PTGR2: variants seen among roughly 807,000 people sequenced by gnomAD.
PTGR2 encodes prostaglandin reductase 2.
PTGR2 carries 32 observed loss-of-function variants against 43.4 expected under a neutral mutation model. The observed-to-expected ratio is 0.74, with a 90% CI of 0.56 to 0.99. PTGR2 has a LOEUF of 0.99. Among genes scored for constraint, PTGR2 ranks in the 50% least tolerant of loss-of-function variants. The pLI, the probability that PTGR2 is intolerant of heterozygous loss-of-function variation, is 0.00. For missense variants in PTGR2, 373 were observed against 420.0 expected (o/e 0.89, Z 0.98); for synonymous variants, 106 against 139.2 (o/e 0.76, Z 1.68).
At position 73,860,667 on chromosome 14, in the gene PTGR2, A is replaced by G. The variant is rs751415668; in HGVS notation, c.156+10A>G. On this transcript the variant is annotated intron_variant, in intron 3 of 9. Coordinates refer to ENST00000555661, the MANE Select transcript of PTGR2 (RefSeq NM_001146154.2). The stretch of plus-strand genomic sequence containing the variant: ...TGTGGATCCTTACATGGTAAGAATC[A>G]GGATGTTGTAACTTGGTGAAAAATA... 40 of 1,190,564 alleles carry G rather than the reference A, an allele frequency of 3.4e-5. 2 individuals carry two copies. In the South Asian group the frequency reaches 5.2e-4, roughly 15 times the overall value. The allele number at this position is 1,190,564 out of a possible 1,614,324, so 73.8% of individuals were successfully genotyped here.
At chr14:73,882,660 C>T (rs2055018159) in intron 9 of PTGR2, among the ~76,000 whole-genome samples, 1 of 152,036 alleles carries the variant, frequency 6.6e-6, no homozygotes, top group Admixed American at 6.6e-5. Context: ...GCCACCACGC[C>T]TGGCTAATTT....
intron 4 of PTGR2, among the ~76,000 whole-genome samples, chr14:73,876,758 T>A (rs555381602): frequency 1.3e-5 from 2 of 152,282 alleles, no homozygotes; most frequent in Admixed American, 6.5e-5. Context: ...ATTACAGATG[T>A]GAGCCACTGT....
intron 3 of PTGR2, among the ~76,000 whole-genome samples, chr14:73,867,370 A>G (rs1324792267): frequency 6.6e-6 from 1 of 152,094 alleles, no homozygotes; most frequent in Non-Finnish European, 1.5e-5. Context: ...AAATCTCTTC[A>G]TAGATATGTA....
intron 3 of PTGR2, chr14:73,861,371 A>T (rs929196255): frequency 1.3e-5 from 2 of 152,164 alleles, no homozygotes; most frequent in African/African-American, 4.8e-5. Context: ...GAGGTCATAC[A>T]GTCTTTTCTT....
At position 73,880,088 on chromosome 14, in the gene PTGR2, C is replaced by A. The variant is rs139465105; in HGVS notation, c.763C>A (p.Gln255Lys). The A allele has an allele frequency of 2.0e-5, 33 of 1,613,530 alleles. No homozygotes were observed. In the Middle Eastern group the frequency reaches 8.2e-4, roughly 40 times the overall value. ...NENSHIILCGQISQYNKDVPY... is the reference protein window; with the variant it reads ...NENSHIILCGKISQYNKDVPY... Reference sequence around the variant, plus strand: ...GAACAGCCACATCATCCTGTGTGGTCAAATTTCTCAGTACAACAAAGATGT... The same window carrying A: ...GAACAGCCACATCATCCTGTGTGGTAAAATTTCTCAGTACAACAAAGATGT... The change falls in exon 7 of 10, where the codon CAA (glutamine) becomes AAA (lysine). Residue 255 changes from glutamine to lysine, a missense_variant. Coordinates refer to ENST00000555661, the MANE Select transcript of PTGR2 (RefSeq NM_001146154.2).
chr14:73,877,863 A>G (rs1404177349), intron 5 of PTGR2: 2 of 152,236 alleles, frequency 1.3e-5, no homozygotes, highest in Non-Finnish European at 2.9e-5. Context: ...TTTTGATAGA[A>G]TTTTATGAAG....
intron 3 of PTGR2, among the ~76,000 whole-genome samples, chr14:73,870,034 A>G (rs12897095): frequency 0.11 from 17,098 of 149,630 alleles, 1,250 homozygotes; most frequent in Admixed American, 0.2. Flanking sequence ...CTCAGAGAGA[A>G]AAAAAAAAAA....
At chr14:73,880,332 GGATGCC>G in intron 7 of PTGR2, 156 bp downstream of exon 7, 1 of 820,164 alleles carries the variant, frequency 1.2e-6, no homozygotes, top group South Asian at 1.4e-5. Context: ...TAGCACTTTG[GGATGCC>G]GAGACGGGTG....
intron 1 of PTGR2, among the ~76,000 whole-genome samples, chr14:73,852,700 A>T (rs2054257654): frequency 6.6e-6 from 1 of 152,182 alleles, no homozygotes; most frequent in Non-Finnish European, 1.5e-5. Flanking sequence ...GGGCTCAGGG[A>T]GGTCACTGAG....
In PTGR2 at chr14:73,857,676, T is replaced by TG. The variant is rs1312783312; in HGVS notation, c.-47-1140_-47-1139insG. On this transcript the variant is annotated intron_variant, in intron 1 of 9. Coordinates refer to ENST00000555661, the MANE Select transcript of PTGR2 (RefSeq NM_001146154.2). The stretch of plus-strand genomic sequence containing the variant: ...TTAAGCAGTTAGTGTTTTTTTTTTT[T>TG]TTTTTTTTTTGAGACAGAATCTCGC... Among the ~76,000 whole-genome samples, 5 of 127,672 alleles carry TG rather than the reference T, an allele frequency of 3.9e-5. No homozygotes were observed. The South Asian group carries it at 1.5e-3, about 39-fold the overall frequency. 83.8% of individuals were successfully genotyped at this position (127,672 alleles called of 152,430 possible).
intron 3 of PTGR2, among the ~76,000 whole-genome samples, chr14:73,866,411 A>C (rs2054597946): frequency 6.6e-6 from 1 of 152,044 alleles, no homozygotes; most frequent in South Asian, 2.1e-4. Flanking sequence ...TGCTGGGATT[A>C]CAGGTGTGAG....
rs953891690 is a variant in PTGR2 at position 73,875,820 on chromosome 14, CTTTTTTT to C, written c.349-1165_349-1159del. Among the ~76,000 whole-genome samples, 480 of 94,384 alleles carry C rather than the reference CTTTTTTT, an allele frequency of 5.1e-3. 2 individuals carry two copies. The highest frequency in any genetic ancestry group is 0.018 in the African/African-American group (454 of 24,768). 61.9% of individuals were successfully genotyped at this position (94,384 alleles called of 152,430 possible). ...TACATGGGAAATTTTTTAAAAGTTT[CTTTTTTT>C]TTTTTTTTTTTTGAGATGGAGTCTT... On this transcript the variant is annotated intron_variant, in intron 4 of 9. Transcript: ENST00000555661.
chr14:73,884,663 T>C lies in PTGR2; in HGVS notation c.*486T>C, dbSNP rs2055083994. 6.5e-6 allele frequency: 1 copy of C among 154,050 alleles called. No individual in the cohort carries two copies. The highest frequency in any genetic ancestry group is 1.4e-5 in the Non-Finnish European group (1 of 69,782). The allele number at this position is 154,050 out of a possible 1,614,324, so 9.5% of individuals were successfully genotyped here. On this transcript the variant is annotated 3_prime_UTR_variant, in exon 10 of 10. Coordinates refer to ENST00000555661, the MANE Select transcript of PTGR2 (RefSeq NM_001146154.2). ...AATTGAGATGGCCTTTTTTTCACAT[T>C]GTAGACTGAAAAGAGACTTAATGGT... is the stretch of plus-strand genomic sequence containing the variant.
intron 7 of PTGR2, among the ~76,000 whole-genome samples, chr14:73,880,853 G>A (rs562000384): frequency 1.3e-5 from 2 of 152,242 alleles, no homozygotes; most frequent in East Asian, 3.9e-4. Context: ...CTGGAGTAAA[G>A]TGGCGCGATC....
chr14:73,882,497 T>A, intron 9 of PTGR2, 59 bp downstream of exon 9: 1 of 1,125,200 alleles, frequency 8.9e-7, no homozygotes, highest in Non-Finnish European at 1.3e-6. Flanking sequence ...TAAAGTCTCT[T>A]TATTTTTATT....
At chr14:73,872,864 C>A (rs1419378813) in intron 3 of PTGR2, among the ~76,000 whole-genome samples, 1 of 151,838 alleles carries the variant, frequency 6.6e-6, no homozygotes, top group Admixed American at 6.6e-5. Flanking sequence ...GTAGTCCCAG[C>A]TATGCGGGAG....
chr14:73,875,051 G>A (rs35243737), intron 4 of PTGR2, among the ~76,000 whole-genome samples: 17,181 of 152,086 alleles, frequency 0.11, 1,269 homozygotes, highest in Admixed American at 0.19. Flanking sequence ...GTAGAGATGG[G>A]GTTTTGCCAT....
In PTGR2 at chr14:73,867,471, A is replaced by T. The variant is rs577848517; in HGVS notation, c.157-6552A>T. ...ATGAATGCATGATGTCTTTCTACTT[A>T]TTTGGGTGTTCATTAATTTCTTTCT... On this transcript the variant is annotated intron_variant, in intron 3 of 9. Transcript: ENST00000555661. Among the ~76,000 whole-genome samples, 6 of 152,044 alleles carry T rather than the reference A, an allele frequency of 3.9e-5. No individual in the cohort carries two copies. In the East Asian group the frequency reaches 1.2e-3, roughly 29 times the overall value.
chr14:73,868,796 A>AG (rs201359314), intron 3 of PTGR2, among the ~76,000 whole-genome samples: 1,730 of 152,152 alleles, frequency 0.011, 30 homozygotes, highest in African/African-American at 0.04. Context: ...TTAAAAAAAA[A>AG]AAAGAAGACT....
Sources: allele counts gnomAD v4.1 joint callset (sites outside exome capture counted in the v4.1 genomes callset), GRCh38; gene constraint gnomAD v4.1.1; transcripts MANE v1.5; gene names NCBI Gene and HGNC (gene_info 2026-07-23, HGNC 2026-07-21).